The following CDH12 variants were observed in gnomAD, a reference collection of about 807,000 sequenced individuals.
CDH12 encodes the protein cadherin-12.
Under a neutral mutation model 74.1 loss-of-function variants are expected in CDH12, and 41 were observed. That is an observed-to-expected ratio of 0.55 (90% CI 0.43 to 0.72). The LOEUF is 0.72. Among genes scored for constraint, CDH12 ranks in the 30% least tolerant of loss-of-function variants. CDH12 has a pLI of 0.00. For missense variants in CDH12, 945 were observed against 977.2 expected, an observed-to-expected ratio of 0.97 and a Z score of 0.44; for synonymous variants, 399 against 355.0, an observed-to-expected ratio of 1.12 and a Z score of -1.39.
At chr5:21,891,601 A>ACACACACACACC (rs762795304) in intron 6 of CDH12, among the ~76,000 whole-genome samples, 1 of 150,226 alleles carries the variant, frequency 6.7e-6, no homozygotes, top group East Asian at 1.9e-4. Context: ...ACACACACAC[A>ACACACACACACC]CTCTTTCTGG....
At chr5:22,486,191 TCTC>T (rs1746585814) in intron 2 of CDH12, among the ~76,000 whole-genome samples, 1 of 152,222 alleles carries the variant, frequency 6.6e-6, no homozygotes, top group East Asian at 1.9e-4. Context: ...AACTCTCCTT[TCTC>T]CTCTGAAACA....
intron 6 of CDH12, among the ~76,000 whole-genome samples, chr5:21,968,934 C>T (rs1476920440): frequency 6.6e-6 from 1 of 151,420 alleles, no homozygotes; most frequent in African/African-American, 2.4e-5. Flanking sequence ...ACAGTAAGAA[C>T]ACATGGACAC....
chr5:22,478,866 A>G (rs1049220582), intron 2 of CDH12, among the ~76,000 whole-genome samples: 1 of 152,182 alleles, frequency 6.6e-6, no homozygotes, highest in Non-Finnish European at 1.5e-5. Context: ...GATAATTTTG[A>G]AAGGTCTTTT....
chr5:22,061,408 A>C (rs1291810497), intron 5 of CDH12, among the ~76,000 whole-genome samples: 1 of 152,124 alleles, frequency 6.6e-6, no homozygotes, highest in Admixed American at 6.6e-5. Context: ...GCTACGTTTA[A>C]ATTTTACCAA....
chr5:22,776,303 T>C (rs1747099932), intron 1 of CDH12, among the ~76,000 whole-genome samples: 1 of 152,156 alleles, frequency 6.6e-6, no homozygotes, highest in African/African-American at 2.4e-5. Flanking sequence ...TGATCACTTA[T>C]GTTATTTAAT....
chr5:22,194,039 T>C (rs1177133250), intron 4 of CDH12, among the ~76,000 whole-genome samples: 9 of 152,108 alleles, frequency 5.9e-5, no homozygotes, highest in Non-Finnish European at 1.2e-4. Context: ...AAATGAGGCT[T>C]CTATGTTCAA....
chr5:22,246,072 T>C (rs1752934627), intron 3 of CDH12, among the ~76,000 whole-genome samples: 2 of 152,088 alleles, frequency 1.3e-5, no homozygotes, highest in Non-Finnish European at 2.9e-5. Flanking sequence ...ACATACAAAT[T>C]CTACACTAAC....
At chr5:21,764,792 C>T (rs1744923243) in intron 12 of CDH12, among the ~76,000 whole-genome samples, 186 bp downstream of exon 12, 1 of 152,100 alleles carries the variant, frequency 6.6e-6, no homozygotes, top group African/African-American at 2.4e-5. Flanking sequence ...TGTGCGGTAT[C>T]ACCTCCACAT....
At chr5:22,738,495 G>C (rs17292423) in intron 1 of CDH12, among the ~76,000 whole-genome samples, 6,500 of 152,094 alleles carry the variant, frequency 0.043, 200 homozygotes, top group Admixed American at 0.078. Context: ...TGGTGACGAA[G>C]AGCAAGCTAG....
At chr5:22,155,158 A>G (rs1747943108) in intron 4 of CDH12, among the ~76,000 whole-genome samples, 2 of 152,108 alleles carry the variant, frequency 1.3e-5, no homozygotes, top group Non-Finnish European at 2.9e-5. Flanking sequence ...TCAACTAGAC[A>G]AACTCTCTGC....
At chr5:22,068,459 CA>C (rs1480143726) in intron 5 of CDH12, among the ~76,000 whole-genome samples, 1 of 152,184 alleles carries the variant, frequency 6.6e-6, no homozygotes, top group African/African-American at 2.4e-5. Flanking sequence ...CAAACCCTCT[CA>C]GTGGACAGAA....
At chr5:22,358,907 C>T (rs1403387598) in intron 3 of CDH12, among the ~76,000 whole-genome samples, 1 of 152,100 alleles carries the variant, frequency 6.6e-6, no homozygotes, top group East Asian at 1.9e-4. Flanking sequence ...AACTATTATT[C>T]ACAACAAAAT....
chr5:22,249,031 G>A (rs973337993), intron 3 of CDH12, among the ~76,000 whole-genome samples: 3 of 151,482 alleles, frequency 2.0e-5, no homozygotes, highest in Non-Finnish European at 4.4e-5. Flanking sequence ...TAAAAATTTG[G>A]GATTTATATG....
intron 4 of CDH12, among the ~76,000 whole-genome samples, chr5:22,188,342 C>A (rs1750084528): frequency 6.6e-6 from 1 of 151,350 alleles, no homozygotes; most frequent in Non-Finnish European, 1.5e-5. Context: ...GCACGAAAGC[C>A]CTTGCAAGAA....
intron 3 of CDH12, among the ~76,000 whole-genome samples, chr5:22,226,400 G>T (rs766948525): frequency 8.5e-5 from 13 of 152,058 alleles, no homozygotes; most frequent in Non-Finnish European, 1.8e-4. Flanking sequence ...TCAAAGATTT[G>T]AAACAAGAGG....
intron 3 of CDH12, among the ~76,000 whole-genome samples, chr5:22,375,928 C>T (rs1047625437): frequency 6.6e-6 from 1 of 152,066 alleles, no homozygotes; most frequent in Non-Finnish European, 1.5e-5. Flanking sequence ...AAAAATAAAA[C>T]TACTGTTTGA....
intron 1 of CDH12, among the ~76,000 whole-genome samples, chr5:22,791,687 C>T (rs754719414): frequency 3.9e-5 from 6 of 152,098 alleles, no homozygotes; most frequent in Non-Finnish European, 8.8e-5. Flanking sequence ...GGGGAGGCCT[C>T]AGGAAATTTA....
chr5:22,714,124 C>T (rs9293035), intron 1 of CDH12, among the ~76,000 whole-genome samples: 73,758 of 152,028 alleles, frequency 0.49, 17,941 homozygotes, highest in East Asian at 0.55. Flanking sequence ...TGACCCATTC[C>T]ATCAACTGGA....
intron 5 of CDH12, among the ~76,000 whole-genome samples, chr5:22,069,788 G>A (rs1364062062): frequency 2.6e-5 from 4 of 152,044 alleles, no homozygotes; most frequent in Admixed American, 2.0e-4. Context: ...TAATATTGGA[G>A]ATTCCTTAGG....
Sources: allele counts gnomAD v4.1 joint callset (sites outside exome capture counted in the v4.1 genomes callset), GRCh38; gene constraint gnomAD v4.1.1; transcripts MANE v1.5; gene names NCBI Gene and HGNC (gene_info 2026-07-23, HGNC 2026-07-21).